Variants in TMSB15B observed in about 807,000 individuals in gnomAD.
TMSB15B encodes the protein thymosin beta-15B.
intron 1 of TMSB15B, among the ~76,000 whole-genome samples, chrX:103,919,741 G>A (rs372944511): frequency 1.1e-4 from 12 of 112,640 alleles, no homozygotes; most frequent in Non-Finnish European, 1.7e-4. Flanking sequence ...AGCAAGAACT[G>A]TTATCTCCAT....
intron 1 of TMSB15B, among the ~76,000 whole-genome samples, chrX:103,951,298 A>G (rs1345149113): frequency 1.8e-5 from 2 of 111,853 alleles, no homozygotes; most frequent in African/African-American, 6.5e-5. Context: ...CAACAGGAAG[A>G]CCATGTGTAT....
chrX:103,926,363 G>A (rs1556318816), intron 1 of TMSB15B, among the ~76,000 whole-genome samples: 2 of 101,571 alleles, frequency 2.0e-5, no homozygotes, highest in African/African-American at 7.3e-5. Context: ...ATGGAGTGGG[G>A]TGGGGTATGA....
At chrX:103,948,190 A>T (rs1158737993) in intron 1 of TMSB15B, among the ~76,000 whole-genome samples, 83 of 112,133 alleles carry the variant, frequency 7.4e-4, no homozygotes, top group African/African-American at 2.5e-3. Context: ...AAGTCAATTT[A>T]AAAAAAGATG....
chrX:103,938,750 G>A (rs1370704522), intron 1 of TMSB15B, among the ~76,000 whole-genome samples: 4 of 111,890 alleles, frequency 3.6e-5, no homozygotes, highest in Non-Finnish European at 7.5e-5. Flanking sequence ...TCATAGTGTC[G>A]ATGGTCTTTA....
chrX:103,936,821 A>G (rs1362141471), intron 1 of TMSB15B, among the ~76,000 whole-genome samples: 2 of 112,282 alleles, frequency 1.8e-5, no homozygotes, highest in Non-Finnish European at 3.8e-5. Context: ...GATATGTTCC[A>G]TCAATTCCTT....
At chrX:103,942,354 T>C (rs1340149225) in intron 1 of TMSB15B, among the ~76,000 whole-genome samples, 1 of 111,955 alleles carries the variant, frequency 8.9e-6, no homozygotes, top group Non-Finnish European at 1.9e-5. Flanking sequence ...CCAATATCAT[T>C]TGCTGAAAAG....
chrX:103,953,169 G>T (rs1180750), intron 1 of TMSB15B, among the ~76,000 whole-genome samples: 1 of 109,736 alleles, frequency 9.1e-6, no homozygotes, highest in Non-Finnish European at 1.9e-5. Flanking sequence ...GTGTGGTCCT[G>T]GGAACCCATG....
chrX:103,948,305 G>T (rs2075030746), intron 1 of TMSB15B, among the ~76,000 whole-genome samples: 1 of 112,005 alleles, frequency 8.9e-6, no homozygotes, highest in African/African-American at 3.2e-5. Flanking sequence ...CTAAATATTG[G>T]CAAGAATGTG....
intron 1 of TMSB15B, among the ~76,000 whole-genome samples, chrX:103,924,580 C>G (rs782019522): frequency 5.1e-4 from 57 of 111,905 alleles, no homozygotes; most frequent in African/African-American, 1.8e-3. Context: ...CACTTGAGGG[C>G]AGGCACCAAA....
At chrX:103,939,902 T>C (rs2075008183) in intron 1 of TMSB15B, among the ~76,000 whole-genome samples, 1 of 112,237 alleles carries the variant, frequency 8.9e-6, no homozygotes, top group Non-Finnish European at 1.9e-5. Context: ...GTTTTCCTTC[T>C]ATCAGGCCAC....
chrX:103,945,916 AACCATTAT>A (rs2075024392), intron 1 of TMSB15B, among the ~76,000 whole-genome samples: 1 of 112,347 alleles, frequency 8.9e-6, no homozygotes, highest in Non-Finnish European at 1.9e-5. Context: ...CAGATGTATA[AACCATTAT>A]ACAGAAAAGT....
intron 1 of TMSB15B, among the ~76,000 whole-genome samples, chrX:103,946,265 C>T (rs1249564955): frequency 1.8e-5 from 2 of 111,972 alleles, no homozygotes; most frequent in East Asian, 5.6e-4. Flanking sequence ...TTTGGAGGAT[C>T]CACTGCTTTT....
intron 1 of TMSB15B, among the ~76,000 whole-genome samples, chrX:103,938,361 A>T (rs1483987142): frequency 8.9e-6 from 1 of 111,987 alleles, no homozygotes; most frequent in African/African-American, 3.2e-5. Flanking sequence ...TTGCATATAT[A>T]TTTAAGATAG....
At chrX:103,952,942 C>A (rs782039421) in intron 1 of TMSB15B, among the ~76,000 whole-genome samples, 2 of 112,045 alleles carry the variant, frequency 1.8e-5, no homozygotes, top group African/African-American at 6.5e-5. Flanking sequence ...AGATGGCCAA[C>A]TAGAAGCAGC....
chrX:103,920,964 A>G (rs1306103865), intron 1 of TMSB15B, among the ~76,000 whole-genome samples: 1 of 112,219 alleles, frequency 8.9e-6, no homozygotes, highest in African/African-American at 3.2e-5. Flanking sequence ...TCCTTTATGT[A>G]TAGTGTGGCT....
At chrX:103,930,288 G>A (rs1191794443) in intron 1 of TMSB15B, among the ~76,000 whole-genome samples, 3 of 110,985 alleles carry the variant, frequency 2.7e-5, no homozygotes, top group Non-Finnish European at 5.7e-5. Flanking sequence ...AATCCTTCCA[G>A]CTCCTCGAAG....
intron 1 of TMSB15B, among the ~76,000 whole-genome samples, chrX:103,921,990 A>G (rs149139825): frequency 2.2e-4 from 25 of 111,604 alleles, no homozygotes; most frequent in African/African-American, 8.1e-4. Flanking sequence ...TCTAAAAGGC[A>G]TTCTGCAGAT....
At chrX:103,921,664 A>G (rs2074953329) in intron 1 of TMSB15B, among the ~76,000 whole-genome samples, 1 of 112,284 alleles carries the variant, frequency 8.9e-6, no homozygotes, top group Non-Finnish European at 1.9e-5. Context: ...CACATTTTGT[A>G]ATTTTAACAC....
intron 1 of TMSB15B, among the ~76,000 whole-genome samples, chrX:103,939,030 G>A (rs1432407277): frequency 2.7e-5 from 3 of 112,211 alleles, no homozygotes; most frequent in African/African-American, 9.7e-5. Context: ...TTTGTTGTTA[G>A]TCTAATGGGC....
Sources: allele counts gnomAD v4.1 joint callset (sites outside exome capture counted in the v4.1 genomes callset), GRCh38; gene constraint gnomAD v4.1.1; transcripts MANE v1.5; gene names NCBI Gene and HGNC (gene_info 2026-07-23, HGNC 2026-07-21).